The following FXYD3 variants were observed in gnomAD, a reference collection of about 807,000 sequenced individuals.
The protein encoded by FXYD3 is FXYD domain containing ion transport regulator 3.
Under a neutral mutation model 19.2 loss-of-function variants are expected in FXYD3, and 13 were observed. The ratio of observed to expected loss-of-function variants is 0.68; its 90% CI spans 0.44 to 1.08. The LOEUF (loss-of-function observed/expected upper bound fraction) is 1.08. Among genes scored for constraint, FXYD3 ranks in the 50% least tolerant of loss-of-function variants. The pLI is 0.00. For synonymous variants in FXYD3, 48 were observed against 38.9 expected (o/e 1.23, Z -0.87); for missense variants, 101 against 109.4 (o/e 0.92, Z 0.34).
chr19:35,121,643 C>A, intron 5 of FXYD3: 1 of 815,766 alleles, frequency 1.2e-6, no homozygotes, highest in Non-Finnish European at 1.7e-6. Flanking sequence ...CCACGCTCCT[C>A]ATTCCTTCTG....
At chr19:35,121,596 T>A in intron 5 of FXYD3, 1 of 1,317,638 alleles carries the variant, frequency 7.6e-7, no homozygotes, top group African/African-American at 1.5e-5. Context: ...CAGGTTCCAA[T>A]GACCTGCTCC....
chr19:35,117,018 A>G, intron 2 of FXYD3: 2 of 985,376 alleles, frequency 2.0e-6, no homozygotes, highest in Non-Finnish European at 2.4e-6. Context: ...AGCAGAGGGC[A>G]GGTGGGGGAA....
intron 2 of FXYD3, chr19:35,117,213 T>C (rs2064910758): frequency 7.0e-7 from 1 of 1,432,630 alleles, no homozygotes. Flanking sequence ...AGCTCCCGGC[T>C]CCCTGCAGCC....
At chr19:35,116,496 G>A in intron 2 of FXYD3, 137 bp downstream of exon 2, 1 of 985,470 alleles carries the variant, frequency 1.0e-6, no homozygotes, top group Non-Finnish European at 1.2e-6. Context: ...TGCTTTTCTG[G>A]AGCCAGGAGA....
rs887074797 is a variant in FXYD3, at chr19:35,121,506, T to C, written c.97+261T>C. ...GCAAGAAGCCATTGGTTGGTTCAGA[T>C]CAACTGCTGGGAGAAGTGTTGACTT... is the stretch of plus-strand genomic sequence containing the variant. On this transcript the variant is annotated intron_variant, in intron 5 of 8. Coordinates refer to ENST00000604404, the MANE Select transcript of FXYD3 (RefSeq NM_005971.4). 6.3e-6 allele frequency: 9 copies of C among 1,427,896 alleles called. No individual in the cohort carries two copies. In the African/African-American group the frequency reaches 1.3e-4, roughly 21 times the overall value. The allele number at this position is 1,427,896 out of a possible 1,614,324, so 88.5% of individuals were successfully genotyped here.
In FXYD3 at chr19:35,124,311, G is replaced by C. The variant is rs776364046; in HGVS notation, c.*854G>C. On this transcript the variant is annotated 3_prime_UTR_variant, in exon 9 of 9. Coordinates refer to ENST00000604404, the MANE Select transcript of FXYD3 (RefSeq NM_005971.4). Reference sequence around the variant, plus strand: ...AAAAAGAGACCCACAATAAACTCGTGACTTGTCCCCTCATCATGCCGTTTT... The same window carrying C: ...AAAAAGAGACCCACAATAAACTCGTCACTTGTCCCCTCATCATGCCGTTTT... The C allele has an allele frequency of 1.3e-5, 2 of 152,234 alleles. No individual in the cohort carries two copies. The highest frequency in any genetic ancestry group is 1.5e-5 in the Non-Finnish European group (1 of 68,054). The allele number at this position is 152,234 out of a possible 1,614,324, so 9.4% of individuals were successfully genotyped here.
chr19:35,123,228 C>A, intron 7 of FXYD3, 43 bp from the exon 8 acceptor site: 1 of 1,551,524 alleles, frequency 6.4e-7, no homozygotes, highest in Non-Finnish European at 8.7e-7. Context: ...AGGGAGAGGG[C>A]AAATGGGGGC....
chr19:35,116,932 A>G, intron 2 of FXYD3: 1 of 985,264 alleles, frequency 1.0e-6, no homozygotes, highest in Non-Finnish European at 1.2e-6. Context: ...TTTCAGGAGC[A>G]CACAGCGGGC....
At chr19:35,121,357 A>G in intron 5 of FXYD3, 112 bp downstream of exon 5, 1 of 1,612,918 alleles carries the variant, frequency 6.2e-7, no homozygotes, top group Non-Finnish European at 8.5e-7. Context: ...AAAGATACGA[A>G]GGGACTAGGA....
chr19:35,117,008 A>G lies in FXYD3; in HGVS notation c.-15+649A>G, dbSNP rs944225887. On this transcript the variant is annotated intron_variant, in intron 2 of 8. Coordinates refer to ENST00000604404, the MANE Select transcript of FXYD3 (RefSeq NM_005971.4). ...CATGGTATGGAGGAATAGAGGGGAT[A>G]GCAGAGGGCAGGTGGGGGAAACAGT... The G allele has an allele frequency of 8.1e-6, 8 of 985,238 alleles. No homozygotes were observed. The African/African-American group carries it at 1.4e-4, about 17-fold the overall frequency. 61.0% of individuals were successfully genotyped at this position (985,238 alleles called of 1,614,324 possible).
Position 35,119,396 on chromosome 19 carries a change from G to A in FXYD3, c.20G>A (p.Gly7Asp), listed in dbSNP as rs781632442. 1 of 1,614,132 alleles carries A rather than the reference G, an allele frequency of 6.2e-7. No homozygotes were observed. Among genetic ancestry groups the A allele is most frequent in the Non-Finnish European group, 8.5e-7 (1 of 1,180,014 alleles). The change falls in exon 3 of 9, where the codon GGC becomes GAC. Residue 7 changes from glycine (G) to aspartate (D), a missense_variant. By Grantham distance (94) the Gly-to-Asp change is moderately conservative. Transcript: ENST00000604404. Reference protein sequence around the residue: MQKVTLGLLVFLAGFPV... With the variant: MQKVTLDLLVFLAGFPV... ...TCTGACATGCAGAAGGTGACCCTGG[G>A]CCTGCTTGTGTTCCTGGCAGGTGAG... is the stretch of plus-strand genomic sequence containing the variant.
Position 35,116,271 on chromosome 19 carries a change from T to C in FXYD3, c.-103T>C. 6.1e-6 allele frequency: 6 copies of C among 985,378 alleles called. No individual in the cohort carries two copies. The highest frequency in any genetic ancestry group is 4.8e-6 in the Non-Finnish European group (4 of 829,916). 61.0% of individuals were successfully genotyped at this position (985,378 alleles called of 1,614,324 possible). A position where few individuals can be genotyped will look rare whatever the true frequency, so the allele number is the denominator to read the frequency against. ...TGTTTTCTACCTGCCCAGGTTTGCT[T>C]AGGGCGTGGCAGCTTCGGATAAACG... On this transcript the variant is annotated 5_prime_UTR_variant, in exon 2 of 9. Coordinates refer to ENST00000604404, the MANE Select transcript of FXYD3 (RefSeq NM_005971.4).
rs1007819173 is a variant in FXYD3, at chr19:35,123,928, G to A, written c.*471G>A. On this transcript the variant is annotated 3_prime_UTR_variant, in exon 9 of 9. Transcript: ENST00000604404. ...GATGGAACACTGGAACATTCCAGTG[G>A]ACCCTGGACCATTCCAGGAAAACTG... 5.4e-6 allele frequency: 1 copy of A among 184,486 alleles called. No homozygotes were observed. The highest frequency in any genetic ancestry group is 1.2e-5 in the Non-Finnish European group (1 of 86,632). 11.4% of individuals were successfully genotyped at this position (184,486 alleles called of 1,614,324 possible).
intron 2 of FXYD3, chr19:35,117,133 C>A: frequency 7.5e-7 from 1 of 1,330,624 alleles, no homozygotes; most frequent in African/African-American, 1.5e-5. Flanking sequence ...GCTCACCAAC[C>A]ACATCAGTTC....
In FXYD3 at chr19:35,123,548, C is replaced by T; in HGVS notation, c.*91C>T. Reference sequence around the variant, plus strand: ...GAAACTTGAACTCCAGGATGGAATTCTTCCTCCTCTGCTGGGACTCCTTTG... The same window carrying T: ...GAAACTTGAACTCCAGGATGGAATTTTTCCTCCTCTGCTGGGACTCCTTTG... On this transcript the variant is annotated 3_prime_UTR_variant, in exon 9 of 9. Transcript: ENST00000604404. The T allele has an allele frequency of 7.3e-7, 1 of 1,368,086 alleles. No individual in the cohort carries two copies. Among genetic ancestry groups the T allele is most frequent in the Non-Finnish European group, 1.0e-6 (1 of 961,152 alleles). The allele number at this position is 1,368,086 out of a possible 1,614,324, so 84.7% of individuals were successfully genotyped here.
chr19:35,121,596 T>TGAC, intron 5 of FXYD3: 1 of 1,317,638 alleles, frequency 7.6e-7, no homozygotes, highest in Non-Finnish European at 9.8e-7. Flanking sequence ...CAGGTTCCAA[T>TGAC]GACCTGCTCC....
chr19:35,121,594 A>G, intron 5 of FXYD3: 1 of 1,323,512 alleles, frequency 7.6e-7, no homozygotes, highest in Non-Finnish European at 9.8e-7. Context: ...TCCAGGTTCC[A>G]ATGACCTGCT....
intron 3 of FXYD3, among the ~76,000 whole-genome samples, chr19:35,120,399 C>T (rs1285913446): frequency 2.0e-5 from 3 of 152,158 alleles, no homozygotes; most frequent in African/African-American, 7.2e-5. Flanking sequence ...CTCGGCCTTC[C>T]AAAGTTTTGG....
In FXYD3 at chr19:35,119,820, G is replaced by A. The variant is rs1226956813; in HGVS notation, c.40+404G>A. 8 of 199,124 alleles carry A rather than the reference G, an allele frequency of 4.0e-5. No homozygotes were observed. The East Asian group carries it at 7.1e-4, about 18-fold the overall frequency. 12.3% of individuals were successfully genotyped at this position (199,124 alleles called of 1,614,324 possible). On this transcript the variant is annotated intron_variant, in intron 3 of 8. Coordinates refer to ENST00000604404, the MANE Select transcript of FXYD3 (RefSeq NM_005971.4). ...TACACAGCTAGAATGCCAGGCACAC[G>A]CCACCATGCCCAGTGCATTTTTGAT...
Sources: allele counts gnomAD v4.1 joint callset (sites outside exome capture counted in the v4.1 genomes callset), GRCh38; gene constraint gnomAD v4.1.1; transcripts MANE v1.5; gene names NCBI Gene and HGNC (gene_info 2026-07-23, HGNC 2026-07-21).